IVD: variants seen among roughly 807,000 people sequenced by gnomAD.
The protein encoded by IVD is isovaleryl-CoA dehydrogenase.
IVD carries 31 observed loss-of-function variants against 51.3 expected under a neutral mutation model. That is an observed-to-expected ratio of 0.60 (90% CI 0.45 to 0.81). IVD has a LOEUF of 0.81. IVD is among the 40% of genes least tolerant of loss of function. The probability of loss-of-function intolerance (pLI) is 0.00; values close to 1 mark genes in which losing one functional copy is unlikely to be tolerated. For synonymous variants in IVD, 205 were observed against 219.4 expected (o/e 0.93, Z 0.58); for missense variants, 475 against 552.0 (o/e 0.86, Z 1.40).
chr15:40,407,380 A>T (rs553006413), intron 1 of IVD, among the ~76,000 whole-genome samples: 232 of 152,348 alleles, frequency 1.5e-3, no homozygotes, highest in African/African-American at 5.3e-3. Context: ...CTTGTGTTTT[A>T]TTCTAAGTAC....
chr15:40,417,662 A>C (rs1487122908), intron 11 of IVD, among the ~76,000 whole-genome samples: 1 of 152,184 alleles, frequency 6.6e-6, no homozygotes, highest in Non-Finnish European at 1.5e-5. Flanking sequence ...TATGTGGGCT[A>C]CCTGCCCGTT....
chr15:40,435,342 G>A (rs1473597810), intron 8 of IVD: 1 of 965,016 alleles, frequency 1.0e-6, no homozygotes, highest in African/African-American at 1.8e-5. Context: ...GGAAAGAGAT[G>A]GTAGAGCTCC....
At chr15:40,414,853 C>T (rs1317395391) in intron 7 of IVD, 36 bp from the exon 8 acceptor site, 2 of 1,613,126 alleles carry the variant, frequency 1.2e-6, no homozygotes, top group Non-Finnish European at 1.7e-6. Flanking sequence ...AGGCTGTGGA[C>T]AGCTCTCTCC....
chr15:40,425,903 G>A (rs901113995), downstream of IVD, among the ~76,000 whole-genome samples: 8 of 151,828 alleles, frequency 5.3e-5, no homozygotes, highest in African/African-American at 1.2e-4. Flanking sequence ...TTGACCTCCC[G>A]GGCTCAAGTG....
intron 11 of IVD, 73 bp from the exon 12 acceptor site, chr15:40,418,057 T>G (rs1405206037): frequency 6.2e-7 from 1 of 1,602,064 alleles, no homozygotes; most frequent in Non-Finnish European, 8.5e-7. Context: ...TGTTTCTATA[T>G]ACTTGGCATT....
In IVD at chr15:40,412,993, T is replaced by C. The variant is rs1182189552; in HGVS notation, c.690T>C (p.Gly230=). 9 of 1,613,492 alleles carry C rather than the reference T, an allele frequency of 5.6e-6. No individual in the cohort carries two copies. In the Middle Eastern group the frequency reaches 6.6e-4, roughly 118 times the overall value. The change falls in exon 7 of 12, where the codon GGT becomes GGC. Residue 230 remains glycine, a splice_region_variant and synonymous_variant. Transcript: ENST00000487418. The stretch of plus-strand genomic sequence containing the variant: ...ACCACCTTTTGTTTCCTGTAAAGGG[T>C]ATGCCTGGCTTTAGCACCTCTAAGA... ...RGITAFIVEK[G]MPGFSTSKKL...
At chr15:40,422,585 CTTTTTTTTTTTTTTTTTTTT>C (rs1157351420), downstream of IVD, among the ~76,000 whole-genome samples, 11 of 69,156 alleles carry the variant, frequency 1.6e-4, no homozygotes, top group Middle Eastern at 0.01. Context: ...GCCCGGCCGA[CTTTTTTTTTTTTTTTTTTTT>C]TTTTTTTTTT....
chr15:40,425,170 G>A (rs1892595133), downstream of IVD, among the ~76,000 whole-genome samples: 1 of 152,204 alleles, frequency 6.6e-6, no homozygotes, highest in Non-Finnish European at 1.5e-5. Context: ...GTTCTTGTGT[G>A]AAATGCATGG....
At chr15:40,427,821 T>G (rs1892757680), downstream of IVD, among the ~76,000 whole-genome samples, 1 of 152,056 alleles carries the variant, frequency 6.6e-6, no homozygotes, top group African/African-American at 2.4e-5. Flanking sequence ...GCCCCTCCTT[T>G]CTTTCCAGAA....
downstream of IVD, among the ~76,000 whole-genome samples, chr15:40,422,585 CTTTTT>C (rs1157351420): frequency 7.2e-3 from 495 of 69,062 alleles, 13 homozygotes; most frequent in African/African-American, 0.029. Flanking sequence ...GCCCGGCCGA[CTTTTT>C]TTTTTTTTTT....
downstream of IVD, among the ~76,000 whole-genome samples, chr15:40,428,870 C>G (rs1167211481): frequency 1.3e-5 from 2 of 152,150 alleles, no homozygotes; most frequent in East Asian, 3.9e-4. Flanking sequence ...AATGCAGGGT[C>G]CTCAGCCCTG....
intron 6 of IVD, 66 bp from the exon 7 acceptor site, chr15:40,412,924 GC>G: frequency 3.1e-6 from 4 of 1,288,244 alleles, no homozygotes; most frequent in South Asian, 1.2e-5. Flanking sequence ...CTTCCCAGAG[GC>G]CTTTCCTTTA....
intron 7 of IVD, 197 bp downstream of exon 7, chr15:40,413,284 T>C: frequency 4.7e-6 from 3 of 635,974 alleles, no homozygotes; most frequent in Non-Finnish European, 8.6e-6. Flanking sequence ...CATGCCTAAC[T>C]GGCATCACAC....
At chr15:40,431,026 G>A (rs1264960154) in intron 7 of IVD, among the ~76,000 whole-genome samples, 7 of 152,138 alleles carry the variant, frequency 4.6e-5, no homozygotes, top group Non-Finnish European at 1.0e-4. Context: ...GAAAACATAA[G>A]AGTAGAGAAT....
At chr15:40,435,628 G>A, downstream of IVD, 1 of 1,074,284 alleles carries the variant, frequency 9.3e-7, no homozygotes, top group Non-Finnish European at 1.1e-6. Context: ...CAACGTCTTT[G>A]GGACAGAGCT....
At chr15:40,414,110 C>G (rs1425017516) in intron 7 of IVD, among the ~76,000 whole-genome samples, 1 of 152,044 alleles carries the variant, frequency 6.6e-6, no homozygotes, top group Non-Finnish European at 1.5e-5. Context: ...CCACCTGTCT[C>G]AGCCTCCCAA....
chr15:40,417,019 G>T (rs900594428), intron 11 of IVD, among the ~76,000 whole-genome samples: 7 of 151,878 alleles, frequency 4.6e-5, no homozygotes, highest in Non-Finnish European at 8.8e-5. Flanking sequence ...GGCCAACATG[G>T]TGAAACCCTG....
chr15:40,424,058 C>T (rs981286924), downstream of IVD: 1 of 933,630 alleles, frequency 1.1e-6, no homozygotes, highest in Non-Finnish European at 1.4e-6. Context: ...CACCCAGCCA[C>T]TCTCAGAGGC....
intron 7 of IVD, chr15:40,413,292 C>G: frequency 1.6e-6 from 1 of 623,738 alleles, no homozygotes; most frequent in Non-Finnish European, 2.9e-6. Context: ...ACTGGCATCA[C>G]ACACTCCGCA....
Sources: allele counts gnomAD v4.1 joint callset (sites outside exome capture counted in the v4.1 genomes callset), GRCh38; gene constraint gnomAD v4.1.1; transcripts MANE v1.5; gene names NCBI Gene and HGNC (gene_info 2026-07-23, HGNC 2026-07-21).